DTD1: variants seen among roughly 807,000 people sequenced by gnomAD.
DTD1 encodes D-aminoacyl-tRNA deacylase 1.
A neutral mutation model predicts 25.6 loss-of-function variants in DTD1; 13 were observed. That is an observed-to-expected ratio of 0.51 (90% confidence interval 0.33 to 0.81). DTD1 has a LOEUF of 0.81. Ranked by LOEUF, DTD1 falls within the 30% of genes least tolerant of loss-of-function variation. DTD1 has a pLI of 0.02. For synonymous variants in DTD1, 110 were observed against 103.6 expected, an observed-to-expected ratio of 1.06 and a Z score of -0.37; for missense variants, 193 against 266.4, an observed-to-expected ratio of 0.72 and a Z score of 1.92.
intron 3 of DTD1, 120 bp from the exon 4 acceptor site, chr20:18,628,007 A>G: frequency 1.2e-6 from 1 of 802,696 alleles, no homozygotes; most frequent in Non-Finnish European, 2.0e-6. Flanking sequence ...TTTCTTTTGT[A>G]AGTTTCCCAG....
intron 4 of DTD1, chr20:18,632,559 TGATA>T: frequency 1.0e-6 from 1 of 985,478 alleles, no homozygotes; most frequent in Non-Finnish European, 1.2e-6. Context: ...TTCTTTTTAC[TGATA>T]GATAAACACG....
At chr20:18,729,515 A>G (rs1273650818) in intron 4 of DTD1, among the ~76,000 whole-genome samples, 2 of 152,236 alleles carry the variant, frequency 1.3e-5, no homozygotes, top group Non-Finnish European at 2.9e-5. Flanking sequence ...TTTCTCTGAC[A>G]AGCTGCATAC....
chr20:18,688,865 C>G lies in DTD1; in HGVS notation c.478-55235C>G, dbSNP rs977386963. 2.0e-5 allele frequency among the ~76,000 whole-genome samples: 3 copies of G among 152,158 alleles called. No homozygotes were observed. The East Asian group carries it at 5.8e-4, about 29-fold the overall frequency. On this transcript the variant is annotated intron_variant, in intron 4 of 5. Transcript: ENST00000377452. The stretch of plus-strand genomic sequence containing the variant: ...GAAGCAGGAAGTCCTTGCTCTGATC[C>G]TCATTCCCTGGGGTGGCCTGTGGGG...
chr20:18,755,116 T>C (rs2061333936), intron 5 of DTD1, among the ~76,000 whole-genome samples: 1 of 152,220 alleles, frequency 6.6e-6, no homozygotes, highest in African/African-American at 2.4e-5. Context: ...TAGTAGGGAA[T>C]AGAAATTCCT....
rs149418365 is a variant in DTD1, at chr20:18,716,638, G to A, written c.478-27462G>A. Among the ~76,000 whole-genome samples, 49 of 152,346 alleles carry A rather than the reference G, an allele frequency of 3.2e-4. No individual in the cohort carries two copies. The East Asian group carries it at 8.3e-3, about 26-fold the overall frequency. ...ATAGTAAGATAGGCCAGCCTGTGGT[G>A]TTGTAAATTTCAATTTAGGTAAAAG... On this transcript the variant is annotated intron_variant, in intron 4 of 5. Coordinates refer to ENST00000377452, the MANE Select transcript of DTD1 (RefSeq NM_080820.6).
intron 4 of DTD1, among the ~76,000 whole-genome samples, chr20:18,743,673 C>CAAAAAAAAAAAAAAAA (rs11474877): frequency 7.6e-5 from 8 of 105,088 alleles, no homozygotes; most frequent in Admixed American, 2.1e-4. Flanking sequence ...GACCCTGTCT[C>CAAAAAAAAAAAAAAAA]AAAAAAAAAA....
chr20:18,639,306 A>G (rs1187638091), intron 4 of DTD1, among the ~76,000 whole-genome samples: 1 of 152,082 alleles, frequency 6.6e-6, no homozygotes, highest in African/African-American at 2.4e-5. Flanking sequence ...TTTTAAAAAG[A>G]TACTGTAAAA....
intron 4 of DTD1, among the ~76,000 whole-genome samples, chr20:18,688,155 T>C (rs1032218528): frequency 3.9e-5 from 6 of 152,204 alleles, no homozygotes; most frequent in Non-Finnish European, 7.3e-5. Context: ...CATAGTTCCT[T>C]GGTTCTCAGA....
intron 4 of DTD1, chr20:18,632,382 T>C: frequency 1.0e-6 from 1 of 985,444 alleles, no homozygotes. Flanking sequence ...TGCCCCTAGC[T>C]CTCCAGTAGG....
At chr20:18,606,702 C>G (rs1325695301) in intron 3 of DTD1, among the ~76,000 whole-genome samples, 2 of 133,452 alleles carry the variant, frequency 1.5e-5, no homozygotes, top group African/African-American at 5.6e-5. Context: ...ACCGCATGTT[C>G]TCACTCATAG....
At chr20:18,628,704 C>T (rs2295572) in intron 4 of DTD1, among the ~76,000 whole-genome samples, 127,471 of 152,206 alleles carry the variant, frequency 0.84, 54,323 homozygotes, top group Non-Finnish European at 0.93. Context: ...TTTGTAAGCT[C>T]TCATGAAATA....
At chr20:18,682,838 A>G (rs1305863589) in intron 4 of DTD1, among the ~76,000 whole-genome samples, 1 of 152,202 alleles carries the variant, frequency 6.6e-6, no homozygotes, top group Non-Finnish European at 1.5e-5. Flanking sequence ...TTAAATTACC[A>G]TAGTGGTTTT....
chr20:18,750,807 T>C (rs891899431), intron 5 of DTD1, among the ~76,000 whole-genome samples: 1 of 152,210 alleles, frequency 6.6e-6, no homozygotes, highest in African/African-American at 2.4e-5. Context: ...CTCACTAAAA[T>C]GATGTGGTTT....
At chr20:18,649,127 C>T (rs1319971005) in intron 4 of DTD1, among the ~76,000 whole-genome samples, 10 of 151,130 alleles carry the variant, frequency 6.6e-5, no homozygotes, top group African/African-American at 2.2e-4. Context: ...CTAACATATT[C>T]CTTCTTTTTG....
intron 3 of DTD1, among the ~76,000 whole-genome samples, chr20:18,618,106 A>T (rs1290164202): frequency 6.6e-6 from 1 of 152,220 alleles, no homozygotes; most frequent in Non-Finnish European, 1.5e-5. Context: ...AAATTCTCAG[A>T]AATGGGATAG....
chr20:18,708,288 T>TATATA (rs2061141362), intron 4 of DTD1, among the ~76,000 whole-genome samples: 1 of 31,334 alleles, frequency 3.2e-5, no homozygotes, highest in Non-Finnish European at 6.9e-5. Context: ...ATATATATTA[T>TATATA]ATATATATAA....
At chr20:18,668,699 G>A (rs1021394504) in intron 4 of DTD1, among the ~76,000 whole-genome samples, 2 of 152,140 alleles carry the variant, frequency 1.3e-5, no homozygotes, top group African/African-American at 4.8e-5. Context: ...GCATTGTTGA[G>A]TGAAATGAGC....
At chr20:18,692,483 A>G (rs2122438991) in intron 4 of DTD1, among the ~76,000 whole-genome samples, 1 of 152,326 alleles carries the variant, frequency 6.6e-6, no homozygotes, top group East Asian at 1.9e-4. Context: ...CTTTATGACA[A>G]GGTTAACTGG....
intron 4 of DTD1, among the ~76,000 whole-genome samples, chr20:18,709,781 A>G (rs1190094427): frequency 6.6e-6 from 1 of 152,202 alleles, no homozygotes; most frequent in African/African-American, 2.4e-5. Context: ...AGGGAATGGA[A>G]GCAGCTGACA....
Sources: gnomAD v4.1 joint callset for allele counts (sites outside exome capture counted in the v4.1 genomes callset) on GRCh38, gnomAD v4.1.1 for gene constraint, MANE v1.5 for transcripts, NCBI Gene and HGNC (gene_info 2026-07-23, HGNC 2026-07-21) for gene names.